Variants in GGT7 observed in about 807,000 individuals in gnomAD.
GGT7 encodes glutathione hydrolase 7.
Under a neutral mutation model 69.2 loss-of-function variants are expected in GGT7, and 30 were observed. The observed-to-expected ratio is 0.43, with a 90% CI of 0.32 to 0.59. The LOEUF is 0.59. Ranked by LOEUF, GGT7 falls within the 20% of genes least tolerant of loss-of-function variation. GGT7 has a pLI of 0.05. For missense variants in GGT7, 733 were observed against 901.1 expected (o/e 0.81, Z 2.39); for synonymous variants, 388 against 391.8 (o/e 0.99, Z 0.12).
In GGT7 at chr20:34,863,357, C is replaced by T; in HGVS notation, c.361G>A (p.Val121Ile). Reference sequence around the variant, plus strand: ...ATCTGCATGACCAGCGCCACGGTGACACCGGTAGCGAAGGTGAGACAGGCC... The same window carrying T: ...ATCTGCATGACCAGCGCCACGGTGATACCGGTAGCGAAGGTGAGACAGGCC... ...VTACLTFATG[V>I]TVALVMQIYF... The change falls in exon 2 of 15, where the codon GTC becomes ATC. Residue 121 changes from valine (V) to isoleucine (I), a missense_variant. Transcript: ENST00000336431. This position sits in a 1 kb window ranked among gnomAD's most constrained non-coding sequence, Gnocchi z 4.4. 4 of 1,614,008 alleles carry T rather than the reference C, an allele frequency of 2.5e-6. No homozygotes were observed. Among genetic ancestry groups the T allele is most frequent in the Non-Finnish European group, 3.4e-6 (4 of 1,179,974 alleles).
chr20:34,859,342 G>A, intron 7 of GGT7, 101 bp downstream of exon 7: 1 of 810,810 alleles, frequency 1.2e-6, no homozygotes, highest in Non-Finnish European at 1.9e-6. Flanking sequence ...AATATAGAAA[G>A]AAAGGGAGGG....
intron 14 of GGT7, 34 bp downstream of exon 14, chr20:34,849,927 T>G (rs1273561289): frequency 9.8e-6 from 13 of 1,330,290 alleles, no homozygotes; most frequent in Non-Finnish European, 1.4e-5. Context: ...CCTGTCCCTG[T>G]GCCCGCCCCA....
At position 34,859,532 on chromosome 20, in the gene GGT7, C is replaced by T. The variant is rs1200266687; in HGVS notation, c.925G>A (p.Asp309Asn). ...AGTACATCCAGCACCTCAGCCAGGT[C>T]GGGCCGATGCAGCAACGAGCCAGGT... ...PLPGSLLHRP[D>N]LAEVLDVLGT... Residue 309 changes from aspartate to asparagine, a missense_variant, in exon 7 of 15, where the codon GAC (aspartate) becomes AAC (asparagine). Asp to Asn is a conservative substitution (Grantham distance 23). Transcript: ENST00000336431. 2.5e-6 allele frequency: 4 copies of T among 1,612,320 alleles called. No homozygotes were observed. The highest frequency in any genetic ancestry group is 2.5e-6 in the Non-Finnish European group (3 of 1,179,172).
intron 1 of GGT7, among the ~76,000 whole-genome samples, chr20:34,870,727 A>C (rs954126882): frequency 2.1e-5 from 3 of 145,710 alleles, no homozygotes; most frequent in Non-Finnish European, 4.5e-5. Context: ...CCGCCTCAGC[A>C]TCCCAAAGTG....
Position 34,865,246 on chromosome 20 carries a change from A to AAACCTCTGCCTCCCTGC in GGT7, c.170-1715_170-1699dup, listed in dbSNP as rs1366895319. On this transcript the variant is annotated intron_variant, in intron 1 of 14. Coordinates refer to ENST00000336431, the MANE Select transcript of GGT7 (RefSeq NM_178026.3). ...GCAGTGGCACCATCTCAGCTCACTG[A>AAACCTCTGCCTCCCTGC]AACCTCTGCCTCCCTGCAACCTCTG... Among the ~76,000 whole-genome samples the AAACCTCTGCCTCCCTGC allele has an allele frequency of 1.6e-4, 25 of 152,274 alleles. No homozygotes were observed. In the East Asian group the frequency reaches 4.1e-3, roughly 25 times the overall value.
At chr20:34,866,640 C>T (rs917675598) in intron 1 of GGT7, among the ~76,000 whole-genome samples, 4 of 151,490 alleles carry the variant, frequency 2.6e-5, no homozygotes, top group East Asian at 1.9e-4. Context: ...AGTGCAGTGG[C>T]GCAATCTCGG....
At chr20:34,855,158 G>A (rs1189077548) in intron 8 of GGT7, among the ~76,000 whole-genome samples, 1 of 152,204 alleles carries the variant, frequency 6.6e-6, no homozygotes, top group Non-Finnish European at 1.5e-5. Context: ...TCTGCCATTT[G>A]AGAAAACTAA....
At chr20:34,857,212 C>T (rs773933264) in intron 7 of GGT7, among the ~76,000 whole-genome samples, 3 of 152,170 alleles carry the variant, frequency 2.0e-5, no homozygotes, top group South Asian at 4.1e-4. Flanking sequence ...TGCTGTTCCC[C>T]AGTGAGCTCT....
At position 34,859,515 on chromosome 20, in the gene GGT7, C is replaced by G. The variant is rs748664406; in HGVS notation, c.942G>C (p.Leu314=). Residue 314 remains leucine (L), a synonymous_variant, in exon 7 of 15, where the codon CTG becomes CTC. Coordinates refer to ENST00000336431, the MANE Select transcript of GGT7 (RefSeq NM_178026.3). ...CCGGGCCGGAGGTGCCAAGTACATCCAGCACCTCAGCCAGGTCGGGCCGAT... is the reference window on the plus strand; with the variant it reads ...CCGGGCCGGAGGTGCCAAGTACATCGAGCACCTCAGCCAGGTCGGGCCGAT... ...LLHRPDLAEV[L]DVLGTSGPAA... The G allele has an allele frequency of 1.9e-6, 3 of 1,612,580 alleles. No individual in the cohort carries two copies. The Admixed American group carries it at 5.0e-5, about 27-fold the overall frequency.
At chr20:34,857,635 T>TTTTTA in intron 7 of GGT7, among the ~76,000 whole-genome samples, 1 of 119,404 alleles carries the variant, frequency 8.4e-6, no homozygotes, top group Non-Finnish European at 1.9e-5. Context: ...TTTTTTTTTT[T>TTTTTA]GAGGCAGGGT....
chr20:34,849,265 C>G (rs1020943486), intron 14 of GGT7, among the ~76,000 whole-genome samples: 6 of 150,364 alleles, frequency 4.0e-5, no homozygotes, highest in Admixed American at 2.7e-4. Context: ...CTGGTTCAAG[C>G]AATTCTCCTG....
At chr20:34,851,632 C>T (rs1356924373) in intron 12 of GGT7, among the ~76,000 whole-genome samples, 1 of 152,144 alleles carries the variant, frequency 6.6e-6, no homozygotes, top group Non-Finnish European at 1.5e-5. Flanking sequence ...AGGACCAAGC[C>T]AAGAAAGATG....
At position 34,859,955 on chromosome 20, in the gene GGT7, C is replaced by T. The variant is rs2079560853; in HGVS notation, c.817+14G>A. On this transcript the variant is annotated intron_variant, in intron 6 of 14. Transcript: ENST00000336431. Reference sequence around the variant, plus strand: ...CAACCTCATGTCTCTCCCAAATCCCCAGGCCCCACTGACCTAGATCATGAG... The same window carrying T: ...CAACCTCATGTCTCTCCCAAATCCCTAGGCCCCACTGACCTAGATCATGAG... 2 of 1,521,350 alleles carry T rather than the reference C, an allele frequency of 1.3e-6. No homozygotes were observed. The highest frequency in any genetic ancestry group is 1.2e-5 in the South Asian group (1 of 83,696). The allele number at this position is 1,521,350 out of a possible 1,614,324, so 94.2% of individuals were successfully genotyped here.
chr20:34,852,651 G>T, intron 10 of GGT7, 113 bp from the exon 11 acceptor site: 1 of 962,924 alleles, frequency 1.0e-6, no homozygotes, highest in Non-Finnish European at 1.5e-6. Flanking sequence ...TCCCTCACTG[G>T]ACTACTAGGT....
chr20:34,857,986 G>T (rs965921353), intron 7 of GGT7, among the ~76,000 whole-genome samples: 3 of 152,160 alleles, frequency 2.0e-5, no homozygotes, highest in African/African-American at 7.2e-5. Flanking sequence ...TTTTATCAAA[G>T]ATCTGATGGT....
At position 34,863,173 on chromosome 20, in the gene GGT7, T is replaced by A. The variant is rs2079627232; in HGVS notation, c.405+140A>T. The A allele has an allele frequency of 7.6e-6, 6 of 791,244 alleles. No individual in the cohort carries two copies. In the African/African-American group the frequency reaches 1.0e-4, roughly 14 times the overall value. The allele number at this position is 791,244 out of a possible 1,614,324, so 49.0% of individuals were successfully genotyped here. On this transcript the variant is annotated intron_variant, in intron 2 of 14. Coordinates refer to ENST00000336431, the MANE Select transcript of GGT7 (RefSeq NM_178026.3). The surrounding 1 kb of genome is among the most constrained non-coding windows in gnomAD (Gnocchi z 4.4). ...TCTCCCTCATGCCCTGGAGCTCCTC[T>A]CTTTGGGACCTTCCTCTCCCAAGTC...
In GGT7 at chr20:34,863,783, G is replaced by A. The variant is rs977230663; in HGVS notation, c.170-235C>T. The A allele has an allele frequency of 4.3e-6, 3 of 702,608 alleles. No homozygotes were observed. Among genetic ancestry groups the A allele is most frequent in the Non-Finnish European group, 5.3e-6 (2 of 376,060 alleles). 43.5% of individuals were successfully genotyped at this position (702,608 alleles called of 1,614,324 possible). On this transcript the variant is annotated intron_variant, in intron 1 of 14. Coordinates refer to ENST00000336431, the MANE Select transcript of GGT7 (RefSeq NM_178026.3). This position sits in a 1 kb window ranked among gnomAD's most constrained non-coding sequence, Gnocchi z 4.4. Reference sequence around the variant, plus strand: ...TGGGCAGCAGGGAGGCTGGATTCCCGCCCCTCCCTGATACCTAGGCCAAAT... The same window carrying A: ...TGGGCAGCAGGGAGGCTGGATTCCCACCCCTCCCTGATACCTAGGCCAAAT...
chr20:34,871,675 G>A (rs954030009), intron 1 of GGT7, among the ~76,000 whole-genome samples: 7 of 152,222 alleles, frequency 4.6e-5, no homozygotes, highest in South Asian at 2.1e-4. Flanking sequence ...GGGCCAAGCC[G>A]GAAAAGCAGC....
intron 8 of GGT7, 46 bp downstream of exon 8, chr20:34,856,760 G>C: frequency 9.2e-7 from 1 of 1,083,654 alleles, no homozygotes; most frequent in Non-Finnish European, 1.4e-6. Context: ...CATGGACTGG[G>C]AGGCTTCTCC....
Sources: gnomAD v4.1 joint callset for allele counts (sites outside exome capture counted in the v4.1 genomes callset) on GRCh38, gnomAD v4.1.1 for gene constraint, Gnocchi (gnomAD v3.1) non-coding constraint, MANE v1.5 for transcripts, NCBI Gene and HGNC (gene_info 2026-07-23, HGNC 2026-07-21) for gene names.